KIRREL1: variants seen among roughly 807,000 people sequenced by gnomAD.
KIRREL1 encodes kin of IRRE-like protein 1.
KIRREL1 carries 25 observed loss-of-function variants against 83.3 expected under a neutral mutation model. The ratio of observed to expected loss-of-function variants is 0.30; its 90% CI spans 0.22 to 0.42. The LOEUF (loss-of-function observed/expected upper bound fraction) is 0.42. Among genes scored for constraint, KIRREL1 ranks in the 10% least tolerant of loss-of-function variants. The pLI, the probability that KIRREL1 is intolerant of heterozygous loss-of-function variation, is 1.00. For synonymous variants in KIRREL1, 388 were observed against 410.4 expected, an observed-to-expected ratio of 0.95 and a Z score of 0.66; for missense variants, 812 against 1,032.3, an observed-to-expected ratio of 0.79 and a Z score of 2.92.
At chr1:158,002,143 G>A (rs1409662029) in intron 1 of KIRREL1, among the ~76,000 whole-genome samples, 3 of 152,278 alleles carry the variant, frequency 2.0e-5, no homozygotes, top group Non-Finnish European at 2.9e-5. Flanking sequence ...GAGAGACTTC[G>A]GAAGGATGAG....
At chr1:158,043,227 A>G (rs151091795) in intron 1 of KIRREL1, among the ~76,000 whole-genome samples, 1 of 152,326 alleles carries the variant, frequency 6.6e-6, no homozygotes, top group Non-Finnish European at 1.5e-5. Flanking sequence ...GGGAGAGGCT[A>G]CAGATGGGAA....
intron 2 of KIRREL1, 57 bp from the exon 3 acceptor site, chr1:158,077,934 A>G (rs1201950817): frequency 6.3e-7 from 1 of 1,594,544 alleles, no homozygotes; most frequent in Non-Finnish European, 8.6e-7. Context: ...CTGGTGTGGG[A>G]TGGCTGAGGA....
chr1:158,013,431 A>T (rs758523263), intron 1 of KIRREL1, among the ~76,000 whole-genome samples: 25 of 151,614 alleles, frequency 1.6e-4, no homozygotes, highest in Admixed American at 2.6e-4. Context: ...CCCCGAGCAG[A>T]TAAAAGCAGA....
chr1:158,095,408 G>T lies in KIRREL1; in HGVS notation c.*288G>T. ...ATGGGGACAGGGAAAGTGAAGGTTA[G>T]GGAAAGCAGAGGGGGGCACTTTTTA... On this transcript the variant is annotated 3_prime_UTR_variant, in exon 15 of 15. Transcript: ENST00000359209. The T allele has an allele frequency of 2.9e-6, 1 of 346,982 alleles. No homozygotes were observed. Among genetic ancestry groups the T allele is most frequent in the South Asian group, 7.7e-5 (1 of 12,972 alleles). The allele number at this position is 346,982 out of a possible 1,614,324, so 21.5% of individuals were successfully genotyped here.
At chr1:158,050,878 T>C (rs1660892625) in intron 1 of KIRREL1, among the ~76,000 whole-genome samples, 1 of 152,222 alleles carries the variant, frequency 6.6e-6, no homozygotes, top group East Asian at 1.9e-4. Context: ...TGCAGTCAGA[T>C]ATTTGCTCTA....
rs779988044 is a variant in KIRREL1 at position 158,089,609 on chromosome 1, G to C, written c.1152G>C (p.Glu384Asp). 23 of 1,613,428 alleles carry C rather than the reference G, an allele frequency of 1.4e-5. No individual in the cohort carries two copies. The highest frequency in any genetic ancestry group is 1.9e-5 in the Non-Finnish European group (22 of 1,179,564). ...IVPRIGVAEREVPLYVNGPPI... is the reference protein window; with the variant it reads ...IVPRIGVAERDVPLYVNGPPI... Reference sequence around the variant, plus strand: ...CTCGAATCGGAGTGGCTGAGCGGGAGGTGCCGCTCTATGTGAACGGTGAGT... The same window carrying C: ...CTCGAATCGGAGTGGCTGAGCGGGACGTGCCGCTCTATGTGAACGGTGAGT... Residue 384 changes from glutamate (E) to aspartate (D), a missense_variant, in exon 9 of 15, where the codon GAG becomes GAC. Coordinates refer to ENST00000359209, the MANE Select transcript of KIRREL1 (RefSeq NM_018240.7).
In KIRREL1 at chr1:158,087,825, C is replaced by T; in HGVS notation, c.732C>T (p.Cys244=). 2 of 1,613,862 alleles carry T rather than the reference C, an allele frequency of 1.2e-6. No homozygotes were observed. Among genetic ancestry groups the T allele is most frequent in the Non-Finnish European group, 8.5e-7 (1 of 1,179,886 alleles). ...AGGGTGAGCGTGTTGTCTTTACCTGCCAGGCCACAGCCAACCCCGAGATCT... is the reference window on the plus strand; with the variant it reads ...AGGGTGAGCGTGTTGTCTTTACCTGTCAGGCCACAGCCAACCCCGAGATCT... ...VQEGERVVFT[C]QATANPEILG... is the part of the protein sequence containing the mutation. The change falls in exon 6 of 15, where the codon TGC becomes TGT. Residue 244 remains cysteine (C), a synonymous_variant. Transcript: ENST00000359209.
intron 1 of KIRREL1, among the ~76,000 whole-genome samples, chr1:158,074,135 G>C (rs1030797066): frequency 1.3e-5 from 2 of 152,096 alleles, no homozygotes; most frequent in Non-Finnish European, 2.9e-5. Context: ...CCCTCCCCCA[G>C]GATCTCAGCA....
intron 1 of KIRREL1, among the ~76,000 whole-genome samples, chr1:158,074,022 C>T (rs1661598002): frequency 6.6e-6 from 1 of 152,134 alleles, no homozygotes; most frequent in African/African-American, 2.4e-5. Context: ...GGAGAGTTTG[C>T]AGCATATAGC....
At chr1:158,054,639 T>A (rs1661002739) in intron 1 of KIRREL1, among the ~76,000 whole-genome samples, 1 of 152,124 alleles carries the variant, frequency 6.6e-6, no homozygotes, top group African/African-American at 2.4e-5. Context: ...GCTGTGTGCC[T>A]CACCCACGGT....
Position 158,086,815 on chromosome 1 carries a change from C to G in KIRREL1, c.661+69C>G. 2.1e-6 allele frequency: 3 copies of G among 1,418,672 alleles called. No homozygotes were observed. The South Asian group carries it at 3.7e-5, about 18-fold the overall frequency. 87.9% of individuals were successfully genotyped at this position (1,418,672 alleles called of 1,614,324 possible). On this transcript the variant is annotated intron_variant, in intron 5 of 14. Coordinates refer to ENST00000359209, the MANE Select transcript of KIRREL1 (RefSeq NM_018240.7). ...AAGGGGTGTGTTTGAGAAGCACACT[C>G]TTAGTTTGAGAAACACAAACTAAGA...
intron 9 of KIRREL1, 40 bp from the exon 10 acceptor site, chr1:158,089,678 A>C: frequency 6.2e-7 from 1 of 1,613,988 alleles, no homozygotes; most frequent in Non-Finnish European, 8.5e-7. Context: ...CTGGTACTGC[A>C]GTTTTTAACT....
At chr1:158,072,464 G>T (rs1228885097) in intron 1 of KIRREL1, among the ~76,000 whole-genome samples, 1 of 152,176 alleles carries the variant, frequency 6.6e-6, no homozygotes, top group Non-Finnish European at 1.5e-5. Flanking sequence ...AGCAGGGATG[G>T]GGTGGCCAGT....
chr1:158,092,580 C>T (rs1460521228), intron 11 of KIRREL1, among the ~76,000 whole-genome samples: 1 of 152,084 alleles, frequency 6.6e-6, no homozygotes, highest in East Asian at 1.9e-4. Context: ...ATCTCCTGAC[C>T]TCATGATTCA....
chr1:158,015,109 A>G (rs1214884267), intron 1 of KIRREL1, among the ~76,000 whole-genome samples: 1 of 152,048 alleles, frequency 6.6e-6, no homozygotes, highest in Non-Finnish European at 1.5e-5. Flanking sequence ...TCATAAAGTC[A>G]CCTTACTCCT....
chr1:158,052,549 G>A (rs1248720481), intron 1 of KIRREL1, among the ~76,000 whole-genome samples: 9 of 151,922 alleles, frequency 5.9e-5, no homozygotes, highest in Non-Finnish European at 1.3e-4. Context: ...GGAGGCCAAG[G>A]CAGGTGGATC....
At chr1:158,066,020 T>G (rs996907123) in intron 1 of KIRREL1, among the ~76,000 whole-genome samples, 9 of 152,158 alleles carry the variant, frequency 5.9e-5, no homozygotes, top group African/African-American at 1.9e-4. Flanking sequence ...ACCTTTTTTT[T>G]TTTGTTTCTT....
At chr1:157,998,576 G>A (rs551046219) in intron 1 of KIRREL1, among the ~76,000 whole-genome samples, 2 of 152,302 alleles carry the variant, frequency 1.3e-5, no homozygotes, top group South Asian at 4.1e-4. Flanking sequence ...TTCCATGCAA[G>A]GCTGACTCCT....
chr1:158,086,888 C>T, intron 5 of KIRREL1, 142 bp downstream of exon 5: 1 of 777,848 alleles, frequency 1.3e-6, no homozygotes, highest in Non-Finnish European at 2.1e-6. Flanking sequence ...TCACATCTTT[C>T]ATTCCCTGGA....
Sources: gnomAD v4.1 joint callset for allele counts (sites outside exome capture counted in the v4.1 genomes callset) on GRCh38, gnomAD v4.1.1 for gene constraint, MANE v1.5 for transcripts, NCBI Gene and HGNC (gene_info 2026-07-23, HGNC 2026-07-21) for gene names.